The following ELF1 variants were observed in gnomAD, a reference collection of about 807,000 sequenced individuals.
The protein encoded by ELF1 is ETS-related transcription factor Elf-1.
ELF1 carries 24 observed loss-of-function variants against 59.9 expected under a neutral mutation model. That is an observed-to-expected ratio of 0.40 (90% CI 0.29 to 0.56). The LOEUF is 0.56. Ranked by LOEUF, ELF1 falls within the 20% of genes least tolerant of loss-of-function variation. The pLI is 0.44. For synonymous variants in ELF1, 248 were observed against 266.2 expected, an observed-to-expected ratio of 0.93 and a Z score of 0.67; for missense variants, 627 against 742.2, an observed-to-expected ratio of 0.84 and a Z score of 1.80.
At chr13:40,940,542 G>A (rs1870088547) in intron 8 of ELF1, among the ~76,000 whole-genome samples, 3 of 151,990 alleles carry the variant, frequency 2.0e-5, no homozygotes, top group Admixed American at 2.0e-4. Flanking sequence ...TTATTGCTTG[G>A]AACTCTATGC....
At chr13:40,954,969 C>T (rs1252553900) in intron 3 of ELF1, among the ~76,000 whole-genome samples, 3 of 145,698 alleles carry the variant, frequency 2.1e-5, no homozygotes, top group Non-Finnish European at 3.0e-5. Flanking sequence ...TGAGGAGCGT[C>T]TCTGCCCGGC....
intron 1 of ELF1, among the ~76,000 whole-genome samples, chr13:41,013,001 T>C (rs1266961124): frequency 6.6e-6 from 1 of 152,200 alleles, no homozygotes; most frequent in Non-Finnish European, 1.5e-5. Flanking sequence ...AAATTATGTT[T>C]GAAATAACTC....
At chr13:40,944,655 T>C (rs182380918) in intron 5 of ELF1, among the ~76,000 whole-genome samples, 14 of 152,316 alleles carry the variant, frequency 9.2e-5, no homozygotes, top group Admixed American at 3.3e-4. Flanking sequence ...TTGCCAAGTA[T>C]CTAGAACCAT....
chr13:40,971,499 C>T (rs1267176537), intron 2 of ELF1, among the ~76,000 whole-genome samples: 1 of 152,168 alleles, frequency 6.6e-6, no homozygotes, highest in Non-Finnish European at 1.5e-5. Context: ...GATCTTTCTG[C>T]CTTGGCTTCC....
At chr13:40,981,882 A>G in intron 2 of ELF1, 101 bp downstream of exon 2, 1 of 1,339,508 alleles carries the variant, frequency 7.5e-7, no homozygotes, top group Non-Finnish European at 1.0e-6. Flanking sequence ...TTTACTTTCA[A>G]TAAAGTTTCT....
intron 1 of ELF1, among the ~76,000 whole-genome samples, chr13:41,010,674 A>G (rs1486676703): frequency 6.6e-6 from 1 of 152,108 alleles, no homozygotes; most frequent in Non-Finnish European, 1.5e-5. Flanking sequence ...GTTCATTGCT[A>G]TATCCCAACA....
chr13:41,053,011 T>C (rs775613622), intron 1 of ELF1, among the ~76,000 whole-genome samples: 2 of 152,198 alleles, frequency 1.3e-5, no homozygotes, highest in African/African-American at 2.4e-5. Flanking sequence ...TTAAAGTTTA[T>C]TGCATTTGTC....
intron 1 of ELF1, among the ~76,000 whole-genome samples, chr13:40,998,419 A>G (rs1274702165): frequency 1.3e-5 from 2 of 152,220 alleles, no homozygotes; most frequent in Admixed American, 1.3e-4. Context: ...AGAACAGGCT[A>G]TACCATATAG....
intron 2 of ELF1, among the ~76,000 whole-genome samples, chr13:40,967,887 C>T (rs771626949): frequency 2.0e-5 from 3 of 152,212 alleles, no homozygotes; most frequent in Admixed American, 1.3e-4. Flanking sequence ...GCCACCATGC[C>T]TTGTCCTTTT....
chr13:40,988,724 C>A (rs12585650), intron 1 of ELF1, among the ~76,000 whole-genome samples: 7,280 of 152,184 alleles, frequency 0.048, 428 homozygotes, highest in East Asian at 0.23. Context: ...ATGTATAAGC[C>A]TTTTTAGAAG....
chr13:41,010,051 G>GA lies in ELF1; in HGVS notation c.-229+9176dup, dbSNP rs140514209. ...GAGTCTTTTCTCAGAATAGCATATT[G>GA]AAAAAAAAAAAAACTCCCTGGGATT... On this transcript the variant is annotated intron_variant, in intron 1 of 8. Transcript: ENST00000239882. Among the ~76,000 whole-genome samples the GA allele has an allele frequency of 4.6e-3, 606 of 130,950 alleles. 1 individual carries two copies. Among genetic ancestry groups the GA allele is most frequent in the Middle Eastern group, 0.012 (3 of 244 alleles). 85.9% of individuals were successfully genotyped at this position (130,950 alleles called of 152,430 possible).
intron 2 of ELF1, among the ~76,000 whole-genome samples, chr13:40,975,754 T>C (rs1300633025): frequency 5.3e-5 from 8 of 152,228 alleles, no homozygotes; most frequent in African/African-American, 1.9e-4. Flanking sequence ...TGCTCTGATA[T>C]GATAAGAACC....
intron 1 of ELF1, among the ~76,000 whole-genome samples, chr13:40,994,261 C>A (rs896959650): frequency 2.0e-5 from 3 of 152,188 alleles, no homozygotes; most frequent in Non-Finnish European, 2.9e-5. Context: ...GCCAAACAGA[C>A]TGAATACCTA....
At chr13:40,998,644 T>G (rs1195547411) in intron 1 of ELF1, among the ~76,000 whole-genome samples, 1 of 152,234 alleles carries the variant, frequency 6.6e-6, no homozygotes, top group Non-Finnish European at 1.5e-5. Flanking sequence ...ATACCATTAA[T>G]AAGTAAAACA....
At chr13:40,969,483 C>T (rs1040777510) in intron 2 of ELF1, among the ~76,000 whole-genome samples, 7 of 152,140 alleles carry the variant, frequency 4.6e-5, no homozygotes. Context: ...TCACACCATA[C>T]AGGCTTTTAA....
At chr13:40,979,363 A>G (rs1338632507) in intron 2 of ELF1, among the ~76,000 whole-genome samples, 1 of 152,128 alleles carries the variant, frequency 6.6e-6, no homozygotes, top group Non-Finnish European at 1.5e-5. Flanking sequence ...TTTCATCCCC[A>G]TTTTGCAGAT....
At chr13:41,060,295 G>A (rs1877474044) in intron 1 of ELF1, among the ~76,000 whole-genome samples, 1 of 152,238 alleles carries the variant, frequency 6.6e-6, no homozygotes, top group South Asian at 2.1e-4. Context: ...GCGGGCTCTG[G>A]GGCGCCCAGG....
intron 1 of ELF1, among the ~76,000 whole-genome samples, chr13:41,032,625 G>C (rs1384530856): frequency 1.3e-5 from 2 of 152,018 alleles, no homozygotes; most frequent in African/African-American, 4.8e-5. Flanking sequence ...TGAGGTGAAA[G>C]TATCACTTGA....
intron 1 of ELF1, among the ~76,000 whole-genome samples, chr13:41,029,316 G>C (rs1293240726): frequency 6.6e-6 from 1 of 152,224 alleles, no homozygotes; most frequent in Non-Finnish European, 1.5e-5. Flanking sequence ...ACTGAATTAA[G>C]AGGTACCCAG....
Sources: gnomAD v4.1 joint callset for allele counts (sites outside exome capture counted in the v4.1 genomes callset) on GRCh38, gnomAD v4.1.1 for gene constraint, MANE v1.5 for transcripts, NCBI Gene and HGNC (gene_info 2026-07-23, HGNC 2026-07-21) for gene names.